The following PPP2R2C variants were observed in gnomAD, a reference collection of about 807,000 sequenced individuals.
PPP2R2C encodes the protein protein phosphatase 2 regulatory subunit Bgamma.
PPP2R2C carries 10 observed loss-of-function variants against 45.3 expected under a neutral mutation model. The ratio of observed to expected loss-of-function variants is 0.22; its 90% CI spans 0.14 to 0.37. PPP2R2C has a LOEUF of 0.37. PPP2R2C is among the 10% of genes least tolerant of loss of function. The pLI is 1.00. For synonymous variants in PPP2R2C, 257 were observed against 245.4 expected (o/e 1.05, Z -0.44); for missense variants, 308 against 619.7 (o/e 0.50, Z 5.34).
chr4:6,470,992 C>T (rs1721844904), intron 1 of PPP2R2C, among the ~76,000 whole-genome samples: 1 of 151,838 alleles, frequency 6.6e-6, no homozygotes, highest in Admixed American at 6.6e-5. Flanking sequence ...CCCGGGCCTC[C>T]GCGGGGCTCC....
chr4:6,559,387 A>G (rs1725503589), intron 1 of PPP2R2C, among the ~76,000 whole-genome samples: 1 of 148,574 alleles, frequency 6.7e-6, no homozygotes, highest in Admixed American at 6.7e-5. Flanking sequence ...GTTCTGAAAA[A>G]ATACACAGCA....
chr4:6,562,392 G>A (rs372996090), intron 1 of PPP2R2C, among the ~76,000 whole-genome samples: 75 of 149,844 alleles, frequency 5.0e-4, no homozygotes, highest in African/African-American at 1.6e-3. Context: ...GTGGCCTCGG[G>A]CAAGTTACTT....
At chr4:6,393,469 G>A (rs1049393263) in intron 1 of PPP2R2C, among the ~76,000 whole-genome samples, 3 of 152,140 alleles carry the variant, frequency 2.0e-5, no homozygotes, top group Non-Finnish European at 4.4e-5. Flanking sequence ...TTTTAATCAC[G>A]ATGTCTTTTA....
At chr4:6,372,788 A>G in intron 4 of PPP2R2C, 88 bp from the exon 5 acceptor site, 6 of 1,365,728 alleles carry the variant, frequency 4.4e-6, no homozygotes, top group Non-Finnish European at 6.2e-6. Context: ...TCCCAACCGG[A>G]GGCTGGAACA....
chr4:6,384,839 C>T (rs73078748), intron 1 of PPP2R2C: 98,769 of 985,062 alleles, frequency 0.1, 5,169 homozygotes, highest in African/African-American at 0.15. Flanking sequence ...TGAGAGACTA[C>T]GCCATGAGCT....
intron 8 of PPP2R2C, among the ~76,000 whole-genome samples, 160 bp from the exon 9 acceptor site, chr4:6,323,753 T>C (rs1164287875): frequency 1.3e-5 from 2 of 151,938 alleles, no homozygotes; most frequent in Non-Finnish European, 2.9e-5. Context: ...CTGGACAACA[T>C]AGCGAGACTC....
intron 1 of PPP2R2C, among the ~76,000 whole-genome samples, chr4:6,396,279 C>A (rs919809523): frequency 2.6e-5 from 4 of 152,218 alleles, no homozygotes; most frequent in African/African-American, 9.6e-5. Flanking sequence ...AGCCATGCAC[C>A]TGAGCCATGA....
chr4:6,538,929 C>T (rs1724719868), intron 1 of PPP2R2C, among the ~76,000 whole-genome samples: 1 of 152,186 alleles, frequency 6.6e-6, no homozygotes, highest in Admixed American at 6.5e-5. Flanking sequence ...GCCCGTTACA[C>T]AGTGAGTGAT....
chr4:6,516,416 C>A (rs1012676902), intron 2 of PPP2R2C, among the ~76,000 whole-genome samples: 1 of 152,264 alleles, frequency 6.6e-6, no homozygotes, highest in African/African-American at 2.4e-5. Flanking sequence ...ACCACCACTC[C>A]TCTGTGCAGC....
intron 5 of PPP2R2C, among the ~76,000 whole-genome samples, chr4:6,369,846 C>T (rs1292564316): frequency 1.3e-5 from 2 of 152,172 alleles, no homozygotes; most frequent in African/African-American, 4.8e-5. Context: ...AGCCCCTGAG[C>T]CCTCCAGGGA....
chr4:6,360,331 A>C (rs1189297247), intron 5 of PPP2R2C, among the ~76,000 whole-genome samples: 2 of 152,252 alleles, frequency 1.3e-5, no homozygotes, highest in African/African-American at 4.8e-5. Flanking sequence ...GGGCACCCCA[A>C]GGACCCTGAT....
chr4:6,394,803 C>T (rs188955228), intron 1 of PPP2R2C, among the ~76,000 whole-genome samples: 164 of 152,342 alleles, frequency 1.1e-3, no homozygotes, highest in South Asian at 2.9e-3. Flanking sequence ...AGCCGGCAGG[C>T]GGGCGATGGG....
In PPP2R2C at chr4:6,542,662, C is replaced by T. The variant is rs1250131663; in HGVS notation, c.-58-7285G>A. 2.7e-5 allele frequency among the ~76,000 whole-genome samples: 4 copies of T among 149,688 alleles called. No homozygotes were observed. In the South Asian group the frequency reaches 6.4e-4, roughly 24 times the overall value. ...AAGGTTGCAGTGAGCCAAGATCACA[C>T]CACTGAACTCCCCTTGGGTGACAGA... is the stretch of plus-strand genomic sequence containing the variant. On this transcript the variant is annotated intron_variant, in intron 1 of 9. Coordinates refer to the PPP2R2C transcript ENST00000506140.
intron 1 of PPP2R2C, among the ~76,000 whole-genome samples, chr4:6,426,908 G>A (rs1371327252): frequency 6.6e-6 from 1 of 152,230 alleles, no homozygotes; most frequent in East Asian, 1.9e-4. Flanking sequence ...CTGTCTCACT[G>A]GGGAGTCTTT....
chr4:6,528,751 A>G (rs901764787), intron 2 of PPP2R2C, among the ~76,000 whole-genome samples: 3 of 152,148 alleles, frequency 2.0e-5, no homozygotes, highest in South Asian at 4.1e-4. Flanking sequence ...TGATGACATT[A>G]TCTTGTGAAA....
chr4:6,325,060 C>T (rs1390083694), intron 8 of PPP2R2C, among the ~76,000 whole-genome samples: 1 of 152,176 alleles, frequency 6.6e-6, no homozygotes, highest in Non-Finnish European at 1.5e-5. Context: ...GGGTTATGCA[C>T]AGAGGACAAA....
At chr4:6,363,685 G>A (rs541607101) in intron 5 of PPP2R2C, among the ~76,000 whole-genome samples, 1 of 152,302 alleles carries the variant, frequency 6.6e-6, no homozygotes, top group Admixed American at 6.5e-5. Context: ...GTGCACACCT[G>A]GCTGTTACAA....
At chr4:6,494,072 C>T (rs1192647258) in intron 2 of PPP2R2C, among the ~76,000 whole-genome samples, 1 of 152,152 alleles carries the variant, frequency 6.6e-6, no homozygotes, top group East Asian at 1.9e-4. Context: ...CTGATTTTTC[C>T]GCCTGAGTCT....
chr4:6,360,880 G>C (rs1284617599), intron 5 of PPP2R2C, among the ~76,000 whole-genome samples: 1 of 152,174 alleles, frequency 6.6e-6, no homozygotes, highest in Non-Finnish European at 1.5e-5. Flanking sequence ...CGTCTCCTCG[G>C]CTTGAAGGTG....
Sources: gnomAD v4.1 joint callset for allele counts (sites outside exome capture counted in the v4.1 genomes callset) on GRCh38, gnomAD v4.1.1 for gene constraint, MANE v1.5 for transcripts, NCBI Gene and HGNC (gene_info 2026-07-23, HGNC 2026-07-21) for gene names.